The following MET variants were observed in gnomAD, a reference collection of about 807,000 sequenced individuals.
The protein encoded by MET is hepatocyte growth factor receptor.
Under a neutral mutation model 133.1 loss-of-function variants are expected in MET, and 48 were observed. The ratio of observed to expected loss-of-function variants is 0.36; its 90% confidence interval spans 0.29 to 0.46. The LOEUF is 0.46. MET is among the 20% of genes least tolerant of loss of function. The probability of loss-of-function intolerance (pLI) is 1.00; values close to 1 mark genes in which losing one functional copy is unlikely to be tolerated. For missense variants in MET, 1,442 were observed against 1,695.9 expected (o/e 0.85, Z 2.63); for synonymous variants, 628 against 616.5 (o/e 1.02, Z -0.28).
At chr7:116,708,100 CAGAT>C (rs1282795450) in intron 2 of MET, among the ~76,000 whole-genome samples, 8 of 152,086 alleles carry the variant, frequency 5.3e-5, no homozygotes, top group African/African-American at 1.9e-4. Context: ...CTTCAACAAG[CAGAT>C]AGACTAGTGA....
chr7:116,692,139 G>T (rs1471058108), intron 1 of MET, among the ~76,000 whole-genome samples: 2 of 152,162 alleles, frequency 1.3e-5, no homozygotes, highest in Admixed American at 1.3e-4. Context: ...GAACTGAATT[G>T]CTCATTTAGT....
intron 2 of MET, among the ~76,000 whole-genome samples, chr7:116,731,395 T>A (rs1792997625): frequency 6.6e-6 from 1 of 152,248 alleles, no homozygotes. Flanking sequence ...GTTTTTCTTA[T>A]AATAGCAGCA....
rs2117067679 is a variant in MET, at chr7:116,783,465, A to T, written c.3794A>T (p.Asp1265Val). Residue 1265 changes from aspartate (D) to valine (V), a missense_variant, in exon 19 of 21, where the codon GAT becomes GTT. By Grantham distance (152) the Asp-to-Val change is radical. This residue lies in a region of MET where 32 missense variants were observed against 72.4 expected (regional missense o/e 0.44). Transcript: ENST00000397752. The part of the protein sequence containing the change: ...LQTQKFTTKS[D>V]VWSFGVLLWE... Reference sequence around the variant, plus strand: ...ACTCAAAAGTTTACCACCAAGTCAGATGTGGTAATGTATTGGTTATCTCTG... The same window carrying T: ...ACTCAAAAGTTTACCACCAAGTCAGTTGTGGTAATGTATTGGTTATCTCTG... The T allele has an allele frequency of 6.2e-7, 1 of 1,614,104 alleles. No homozygotes were observed. The highest frequency in any genetic ancestry group is 8.5e-7 in the Non-Finnish European group (1 of 1,179,978).
intron 2 of MET, among the ~76,000 whole-genome samples, chr7:116,716,481 GAAAGAAA>G (rs1792226888): frequency 8.1e-6 from 1 of 123,446 alleles, no homozygotes; most frequent in Non-Finnish European, 1.7e-5. Flanking sequence ...AAGAAAGAAA[GAAAGAAA>G]GAAAGAAAGA....
chr7:116,693,361 G>T (rs1468694351), intron 1 of MET, among the ~76,000 whole-genome samples: 2 of 152,128 alleles, frequency 1.3e-5, no homozygotes, highest in African/African-American at 4.8e-5. Context: ...GCTGATTTTA[G>T]GCTACCAAGA....
chr7:116,724,868 C>G, intron 2 of MET: 1 of 1,284,468 alleles, frequency 7.8e-7, no homozygotes, highest in Non-Finnish European at 1.0e-6. Flanking sequence ...CACTCAGTGC[C>G]TCAGTTTCCT....
At chr7:116,781,700 T>TG (rs1795158887) in intron 17 of MET, among the ~76,000 whole-genome samples, 1 of 152,184 alleles carries the variant, frequency 6.6e-6, no homozygotes, top group African/African-American at 2.4e-5. Context: ...CCTAAGCAGC[T>TG]GGGACTATAG....
At chr7:116,777,027 A>G (rs555649773) in intron 15 of MET, among the ~76,000 whole-genome samples, 1 of 152,316 alleles carries the variant, frequency 6.6e-6, no homozygotes, top group Admixed American at 6.5e-5. Flanking sequence ...ATTTTAAAAT[A>G]CTATGTCATC....
chr7:116,787,264 T>C (rs1795342022), intron 19 of MET, among the ~76,000 whole-genome samples: 2 of 152,156 alleles, frequency 1.3e-5, no homozygotes, highest in Admixed American at 6.5e-5. Flanking sequence ...AATTAACCCA[T>C]CCTCCAAGAA....
intron 3 of MET, among the ~76,000 whole-genome samples, chr7:116,735,579 A>G (rs570855669): frequency 1.3e-5 from 2 of 152,174 alleles, no homozygotes; most frequent in African/African-American, 4.8e-5. Flanking sequence ...GAGTATGTAG[A>G]TGCAGATCCC....
chr7:116,759,101 A>G (rs1219780465), intron 9 of MET, among the ~76,000 whole-genome samples: 2 of 152,254 alleles, frequency 1.3e-5, no homozygotes, highest in African/African-American at 2.4e-5. Flanking sequence ...TCTAGCAACA[A>G]TAGTTAAGTT....
At position 116,753,969 on chromosome 7, in the gene MET, C is replaced by T. The variant is rs990986455; in HGVS notation, c.1702-1386C>T. 2.0e-5 allele frequency among the ~76,000 whole-genome samples: 3 copies of T among 152,210 alleles called. No individual in the cohort carries two copies. The South Asian group carries it at 6.2e-4, about 32-fold the overall frequency. On this transcript the variant is annotated intron_variant, in intron 5 of 20. Transcript: ENST00000397752. ...TGGGCAGCATAACAAGACCCCGTCT[C>T]TACAGAAATTTAAAAATTAGCTGGG...
chr7:116,793,214 G>T (rs1228957883), intron 19 of MET, among the ~76,000 whole-genome samples: 1 of 146,156 alleles, frequency 6.8e-6, no homozygotes. Flanking sequence ...TCACTCTATC[G>T]CCCAAGCTGG....
intron 5 of MET, among the ~76,000 whole-genome samples, chr7:116,751,820 G>A (rs1054536581): frequency 6.6e-6 from 1 of 152,106 alleles, no homozygotes; most frequent in Admixed American, 6.5e-5. Context: ...CCAGCACTTT[G>A]GGAGGCCGAG....
At chr7:116,763,326 A>G (rs2116958102) in intron 11 of MET, 58 bp downstream of exon 11, 1 of 1,440,188 alleles carries the variant, frequency 6.9e-7, no homozygotes. Context: ...TTGACTTCAT[A>G]GCTATGTGAA....
intron 2 of MET, among the ~76,000 whole-genome samples, chr7:116,702,300 C>T (rs1420738047): frequency 1.3e-5 from 2 of 152,148 alleles, no homozygotes; most frequent in African/African-American, 2.4e-5. Flanking sequence ...ATTCCATAGA[C>T]AAATACCTTC....
At chr7:116,733,728 A>T (rs552323933) in intron 3 of MET, among the ~76,000 whole-genome samples, 5 of 152,254 alleles carry the variant, frequency 3.3e-5, no homozygotes, top group East Asian at 3.9e-4. Flanking sequence ...GATTTTTTTT[A>T]AAAGTGGCTT....
intron 5 of MET, among the ~76,000 whole-genome samples, chr7:116,747,846 C>T (rs1348081272): frequency 6.6e-6 from 1 of 152,212 alleles, no homozygotes; most frequent in Non-Finnish European, 1.5e-5. Context: ...CCACATAGCA[C>T]TTATTCTAAA....
intron 5 of MET, among the ~76,000 whole-genome samples, chr7:116,743,183 G>A (rs1243592867): frequency 3.3e-5 from 5 of 152,226 alleles, no homozygotes; most frequent in Non-Finnish European, 7.3e-5. Context: ...ACTGTGTTGT[G>A]AGGAACAATG....
Sources: allele counts gnomAD v4.1 joint callset (sites outside exome capture counted in the v4.1 genomes callset), GRCh38; gene constraint gnomAD v4.1.1; regional missense constraint gnomAD v4.1.1; transcripts MANE v1.5; gene names NCBI Gene and HGNC (gene_info 2026-07-23, HGNC 2026-07-21).